Variants in NAV3 observed in about 807,000 individuals in gnomAD.
NAV3 encodes the protein pore membrane and/or filament interacting like protein 1.
A neutral mutation model predicts 244.7 loss-of-function variants in NAV3; 87 were observed. That is an observed-to-expected ratio of 0.36 (90% CI 0.30 to 0.42). The LOEUF is 0.42. Ranked by LOEUF, NAV3 falls within the 20% of genes least tolerant of loss-of-function variation. The probability of loss-of-function intolerance (pLI) is 1.00; values close to 1 mark genes in which losing one functional copy is unlikely to be tolerated. For missense variants in NAV3, 2,663 were observed against 2,893.3 expected, an observed-to-expected ratio of 0.92 and a Z score of 1.83; for synonymous variants, 1,126 against 1,042.2, an observed-to-expected ratio of 1.08 and a Z score of -1.55.
intron 2 of NAV3, among the ~76,000 whole-genome samples, chr12:77,699,778 GTCT>G (rs754394620): frequency 4.3e-5 from 6 of 138,120 alleles, no homozygotes; most frequent in South Asian, 2.6e-4. Context: ...GCAAGGCCAT[GTCT>G]GCATGACCTT....
chr12:78,132,443 C>T (rs1956205137), intron 18 of NAV3, among the ~76,000 whole-genome samples: 1 of 152,156 alleles, frequency 6.6e-6, no homozygotes, highest in South Asian at 2.1e-4. Context: ...CAGGCCATGA[C>T]TTAAGTGACA....
At chr12:77,735,424 AG>A (rs1328154550) in intron 2 of NAV3, among the ~76,000 whole-genome samples, 1 of 152,164 alleles carries the variant, frequency 6.6e-6, no homozygotes, top group Non-Finnish European at 1.5e-5. Context: ...TGCTCACACT[AG>A]GAGCTCAGAA....
intron 2 of NAV3, among the ~76,000 whole-genome samples, chr12:77,667,120 GAGATTA>G (rs1190502536): frequency 6.6e-6 from 1 of 152,204 alleles, no homozygotes; most frequent in Non-Finnish European, 1.5e-5. Context: ...TGGAGTTGTA[GAGATTA>G]AGATGGCGAG....
intron 1 of NAV3, among the ~76,000 whole-genome samples, chr12:77,899,449 A>G (rs886433319): frequency 6.6e-6 from 1 of 152,202 alleles, no homozygotes; most frequent in African/African-American, 2.4e-5. Flanking sequence ...AAAGACTTCC[A>G]ACCAGCAAGA....
rs144896069 is a variant in NAV3, at chr12:77,596,920, A to G, written c.72+24654A>G. Among the ~76,000 whole-genome samples, 282 of 152,238 alleles carry G rather than the reference A, an allele frequency of 1.9e-3. 2 individuals carry two copies. Among genetic ancestry groups the G allele is most frequent in the Non-Finnish European group, 2.8e-3 (189 of 67,988 alleles). On this transcript the variant is annotated intron_variant, in intron 2 of 8. Transcript: ENST00000550042. ...TTGGTATGGTGGAGAGGGGTACAATAAAAGTTGTTGGTAATAGTGAAAACA... is the reference window on the plus strand; with the variant it reads ...TTGGTATGGTGGAGAGGGGTACAATGAAAGTTGTTGGTAATAGTGAAAACA...
In NAV3 at chr12:77,985,792, G is replaced by A. The variant is rs370307484; in HGVS notation, c.672-9011G>A. ...TTAATCATTTACTTCTATTTCCTGT[G>A]CCTCTGTCTTCATTCAGGCCTATAT... is the stretch of plus-strand genomic sequence containing the variant. On this transcript the variant is annotated intron_variant, in intron 5 of 39. Coordinates refer to ENST00000397909, the MANE Select transcript of NAV3 (RefSeq NM_001024383.2). Among the ~76,000 whole-genome samples, 14 of 151,828 alleles carry A rather than the reference G, an allele frequency of 9.2e-5. No homozygotes were observed. The South Asian group carries it at 2.3e-3, about 25-fold the overall frequency.
intron 2 of NAV3, among the ~76,000 whole-genome samples, chr12:77,651,276 C>CT (rs1872809872): frequency 6.6e-6 from 1 of 152,140 alleles, no homozygotes; most frequent in Non-Finnish European, 1.5e-5. Context: ...TTTATACTGA[C>CT]TTTAAAAAGA....
chr12:77,723,755 C>CTTTTTTTTTTTTTTTTTTTT (rs34518266), intron 2 of NAV3, among the ~76,000 whole-genome samples: 6 of 67,652 alleles, frequency 8.9e-5, no homozygotes, highest in African/African-American at 1.8e-4. Flanking sequence ...GCAATCTTGA[C>CTTTTTTTTTTTTTTTTTTTT]TTTTTTTTTT....
chr12:77,630,145 A>C (rs1871822302), intron 2 of NAV3, among the ~76,000 whole-genome samples: 1 of 152,186 alleles, frequency 6.6e-6, no homozygotes, highest in African/African-American at 2.4e-5. Context: ...AAAGTAAGAT[A>C]GGGAAGCTAC....
chr12:77,687,764 G>A lies in NAV3; in HGVS notation c.72+115498G>A, dbSNP rs185391636. ...TAAGCCTCTCTCTACCAAAGAAATG[G>A]CAATGCCTCTCTTGAATATAAGCCA... On this transcript the variant is annotated intron_variant, in intron 2 of 8. Transcript: ENST00000550042. Among the ~76,000 whole-genome samples the A allele has an allele frequency of 1.4e-4, 22 of 152,122 alleles. No homozygotes were observed. In the East Asian group the frequency reaches 3.1e-3, roughly 21 times the overall value.
rs778771042 is a variant in NAV3, at chr12:77,954,348, G to A, written c.415-11881G>A. On this transcript the variant is annotated intron_variant, in intron 3 of 39. Coordinates refer to ENST00000397909, the MANE Select transcript of NAV3 (RefSeq NM_001024383.2). ...GTAGTAAGCCTGAGTCAGAGGCTGC[G>A]AATAGCTTAGTGAGAATGTTTAAAT... Among the ~76,000 whole-genome samples the A allele has an allele frequency of 6.6e-5, 10 of 152,264 alleles. No homozygotes were observed. The East Asian group carries it at 7.7e-4, about 12-fold the overall frequency.
intron 1 of NAV3, among the ~76,000 whole-genome samples, chr12:77,884,972 T>A (rs901223780): frequency 8.5e-5 from 13 of 152,140 alleles, no homozygotes; most frequent in Non-Finnish European, 1.8e-4. Context: ...GTAATTTTTG[T>A]TAATAATGAT....
At chr12:77,806,297 G>A (rs576289220) in intron 2 of NAV3, among the ~76,000 whole-genome samples, 1 of 152,152 alleles carries the variant, frequency 6.6e-6, no homozygotes, top group Admixed American at 6.5e-5. Context: ...TCTCCTGGGT[G>A]CATTTAGTGC....
At chr12:78,121,203 A>C (rs1327122622) in intron 15 of NAV3, among the ~76,000 whole-genome samples, 2 of 152,196 alleles carry the variant, frequency 1.3e-5, no homozygotes, top group Admixed American at 6.5e-5. Flanking sequence ...TATTTACATA[A>C]ATTTGATTCT....
At chr12:78,029,433 T>A (rs890274987) in intron 9 of NAV3, among the ~76,000 whole-genome samples, 2 of 152,166 alleles carry the variant, frequency 1.3e-5, no homozygotes, top group African/African-American at 4.8e-5. Flanking sequence ...ACTAGAGCAG[T>A]GTACATTCAT....
At chr12:77,573,687 A>G (rs922232997) in intron 2 of NAV3, among the ~76,000 whole-genome samples, 1 of 152,164 alleles carries the variant, frequency 6.6e-6, no homozygotes, top group African/African-American at 2.4e-5. Context: ...CTACATTTTT[A>G]TAACGTCCTT....
At chr12:78,209,230 T>G (rs2140127136) in intron 39 of NAV3, among the ~76,000 whole-genome samples, 1 of 152,238 alleles carries the variant, frequency 6.6e-6, no homozygotes, top group Middle Eastern at 3.4e-3. Context: ...TGATTACCAG[T>G]TTATCATTTA....
chr12:77,850,624 G>A (rs1183639508), intron 1 of NAV3, among the ~76,000 whole-genome samples: 1 of 152,120 alleles, frequency 6.6e-6, no homozygotes, highest in Non-Finnish European at 1.5e-5. Context: ...TAAAAGATTA[G>A]TAAATTTCAA....
At chr12:78,026,471 A>G (rs1265427266) in intron 9 of NAV3, among the ~76,000 whole-genome samples, 2 of 152,026 alleles carry the variant, frequency 1.3e-5, no homozygotes, top group Non-Finnish European at 2.9e-5. Context: ...AATGCCTCAC[A>G]CCTGATGTCC....
Sources: gnomAD v4.1 joint callset for allele counts (sites outside exome capture counted in the v4.1 genomes callset) on GRCh38, gnomAD v4.1.1 for gene constraint, MANE v1.5 for transcripts, NCBI Gene and HGNC (gene_info 2026-07-23, HGNC 2026-07-21) for gene names.